Variants in CFAP92 observed in about 807,000 individuals in gnomAD.
CFAP92 encodes uncharacterized protein CFAP92.
A neutral mutation model predicts 106.3 loss-of-function variants in CFAP92; 86 were observed. The observed-to-expected ratio is 0.81, with a 90% CI of 0.68 to 0.97. The LOEUF (loss-of-function observed/expected upper bound fraction) is 0.97, where lower values mean the gene tolerates loss of function less well. Ranked by LOEUF, CFAP92 falls within the 50% of genes least tolerant of loss-of-function variation. CFAP92 has a pLI of 0.00. For missense variants in CFAP92, 1,204 were observed against 1,283.8 expected (o/e 0.94, Z 0.95); for synonymous variants, 477 against 506.4 (o/e 0.94, Z 0.78).
intron 15 of CFAP92, among the ~76,000 whole-genome samples, chr3:128,911,823 T>C (rs1352450790): frequency 6.6e-6 from 1 of 152,220 alleles, no homozygotes; most frequent in Non-Finnish European, 1.5e-5. Flanking sequence ...AGACAGCATT[T>C]TACCTGCCCC....
the CFAP92 span, among the ~76,000 whole-genome samples, chr3:129,011,323 G>A: frequency 6.6e-6 from 1 of 152,164 alleles, no homozygotes; most frequent in African/African-American, 2.4e-5. Flanking sequence ...GGCCGAAGTG[G>A]GTGGATCACC....
chr3:128,976,505 A>G (rs749689526), intron 6 of CFAP92, among the ~76,000 whole-genome samples: 1 of 152,152 alleles, frequency 6.6e-6, no homozygotes, highest in African/African-American at 2.4e-5. Context: ...TCCCAAAACC[A>G]CCAGCTGAGC....
At chr3:128,963,058 C>T (rs1942069915) in intron 9 of CFAP92, among the ~76,000 whole-genome samples, 1 of 152,240 alleles carries the variant, frequency 6.6e-6, no homozygotes, top group Admixed American at 6.5e-5. Flanking sequence ...CTGGGCTGTA[C>T]TGCCGCAAGG....
At chr3:129,002,164 C>CGCG in intron 1 of CFAP92, 9 of 1,472,192 alleles carry the variant, frequency 6.1e-6, no homozygotes, top group Non-Finnish European at 8.0e-6. Context: ...CTGCGCCGTC[C>CGCG]GCGCCGCCGC....
upstream of CFAP92, among the ~76,000 whole-genome samples, chr3:129,005,071 G>A (rs528371677): frequency 2.9e-4 from 44 of 152,344 alleles, no homozygotes; most frequent in African/African-American, 9.9e-4. Flanking sequence ...CTGCCTGCTG[G>A]CCGGCCTGAC....
chr3:128,950,272 C>CGGGAA (rs1940652128), intron 9 of CFAP92, among the ~76,000 whole-genome samples: 1 of 152,144 alleles, frequency 6.6e-6, no homozygotes, highest in East Asian at 1.9e-4. Flanking sequence ...CCCAGGGGTT[C>CGGGAA]CCACCAACGC....
intron 15 of CFAP92, 56 bp downstream of exon 15, chr3:128,915,063 G>A (rs1056198325): frequency 3.3e-6 from 5 of 1,504,744 alleles, no homozygotes; most frequent in Non-Finnish European, 4.4e-6. Context: ...GTGGCACAGA[G>A]CTCCTGCCTG....
At chr3:128,975,495 C>A (rs903070515) in intron 7 of CFAP92, among the ~76,000 whole-genome samples, 1 of 148,990 alleles carries the variant, frequency 6.7e-6, no homozygotes, top group Non-Finnish European at 1.5e-5. Flanking sequence ...GGTGGGTGGA[C>A]AGATGAATGG....
intron 8 of CFAP92, chr3:128,967,523 G>C (rs1177166298): frequency 6.6e-6 from 1 of 152,180 alleles, no homozygotes; most frequent in African/African-American, 2.4e-5. Flanking sequence ...CCAAAATGGA[G>C]AAACCTCGTC....
chr3:128,924,432 C>CTTTTTTTTTTT (rs71153151), intron 12 of CFAP92, among the ~76,000 whole-genome samples: 3 of 69,824 alleles, frequency 4.3e-5, no homozygotes, highest in African/African-American at 1.7e-4. Context: ...ACGATTGTAT[C>CTTTTTTTTTTT]TTTTTTTTTT....
chr3:128,999,046 C>T (rs1024676935), upstream of CFAP92, among the ~76,000 whole-genome samples: 1 of 152,226 alleles, frequency 6.6e-6, no homozygotes, highest in South Asian at 2.1e-4. Context: ...AGCATTTTCC[C>T]GGACCTTTAA....
chr3:128,953,815 CG>C (rs1288672402), intron 9 of CFAP92, among the ~76,000 whole-genome samples: 2 of 122,776 alleles, frequency 1.6e-5, no homozygotes, highest in African/African-American at 4.7e-5. Context: ...CTGTGTTGGC[CG>C]GGCCGGTCTC....
rs781043130 is a variant in CFAP92, at chr3:128,945,140, G to A, written c.2189C>T (p.Thr730Ile). 1.3e-6 allele frequency: 2 copies of A among 1,535,984 alleles called. No homozygotes were observed. Among genetic ancestry groups the A allele is most frequent in the African/African-American group, 1.4e-5 (1 of 73,048 alleles). The change falls in exon 10 of 16, where the codon ACA (threonine) becomes ATA (isoleucine). Residue 730 changes from threonine to isoleucine, a missense_variant. Coordinates refer to ENST00000645291, the MANE Select transcript of CFAP92 (RefSeq NM_001394090.1). ...CAGGCCTTCCAGGATGAAAAGGTGT[G>A]TCTTCCCGTCCAGCAGGTGGAAGCC... ...LTGFHLLDGKTHLFILEGLAD... is the reference protein window; with the variant it reads ...LTGFHLLDGKIHLFILEGLAD...
chr3:128,993,237 C>A lies in CFAP92; in HGVS notation c.68G>T (p.Ser23Ile). The A allele has an allele frequency of 4.3e-6, 7 of 1,614,026 alleles. No individual in the cohort carries two copies. The highest frequency in any genetic ancestry group is 5.9e-6 in the Non-Finnish European group (7 of 1,179,886). ...ACACTCGCTCGTGGACTGGTAAAAG[C>A]TAGTGATGGAGGAGATGGGCTCTAT... is the stretch of plus-strand genomic sequence containing the variant. ...ASIEPISSIT[S>I]FYQSTSECDV... is the part of the protein sequence containing the mutation. The change falls in exon 2 of 16, where the codon AGC becomes ATC. Residue 23 changes from serine (S) to isoleucine (I), a missense_variant. Physicochemically the swap from Ser to Ile is moderately radical, Grantham distance 142. Coordinates refer to ENST00000645291, the MANE Select transcript of CFAP92 (RefSeq NM_001394090.1).
intron 9 of CFAP92, among the ~76,000 whole-genome samples, chr3:128,946,477 G>T (rs760884703): frequency 6.6e-6 from 1 of 152,216 alleles, no homozygotes; most frequent in Non-Finnish European, 1.5e-5. Context: ...AGAGAGCACG[G>T]AGAACAGGGT....
At chr3:129,002,225 C>G in intron 1 of CFAP92, 5 of 1,528,858 alleles carry the variant, frequency 3.3e-6, no homozygotes, top group Non-Finnish European at 4.4e-6. Context: ...ACTGTGAGCG[C>G]GTTGCGCGGC....
upstream of CFAP92, among the ~76,000 whole-genome samples, chr3:128,998,244 G>C (rs557098818): frequency 3.5e-4 from 53 of 152,200 alleles, no homozygotes; most frequent in African/African-American, 1.2e-3. Flanking sequence ...CTAGTCTCTT[G>C]TTCGTCATAT....
chr3:128,954,561 A>G (rs1576502407), intron 9 of CFAP92, among the ~76,000 whole-genome samples: 1 of 31,832 alleles, frequency 3.1e-5, no homozygotes. Flanking sequence ...TCCGGGAGGG[A>G]GGTGGGGGGT....
chr3:128,936,338 T>C (rs1481212977), intron 10 of CFAP92, among the ~76,000 whole-genome samples: 3 of 152,270 alleles, frequency 2.0e-5, no homozygotes, highest in East Asian at 1.9e-4. Context: ...GTTTTTCTTA[T>C]TGATTCACAG....
Sources: gnomAD v4.1 joint callset for allele counts (sites outside exome capture counted in the v4.1 genomes callset) on GRCh38, gnomAD v4.1.1 for gene constraint, MANE v1.5 for transcripts, NCBI Gene and HGNC (gene_info 2026-07-23, HGNC 2026-07-21) for gene names.